SUPT3H: variants seen among roughly 807,000 people sequenced by gnomAD.
The protein encoded by SUPT3H is transcription initiation protein SPT3 homolog.
In SUPT3H, 44 loss-of-function variants were observed where a neutral mutation model predicts 44.3. The observed-to-expected ratio is 0.99, with a 90% CI of 0.78 to 1.28. The LOEUF (loss-of-function observed/expected upper bound fraction) is 1.28, where lower values mean the gene tolerates loss of function less well. SUPT3H is among the 50% of genes most tolerant of loss of function. The pLI, the probability that SUPT3H is intolerant of heterozygous loss-of-function variation, is 0.00. For synonymous variants in SUPT3H, 124 were observed against 125.6 expected, an observed-to-expected ratio of 0.99 and a Z score of 0.09; for missense variants, 380 against 387.1, an observed-to-expected ratio of 0.98 and a Z score of 0.15.
At chr6:45,346,498 C>G (rs1014178504) in intron 2 of SUPT3H, among the ~76,000 whole-genome samples, 1 of 151,980 alleles carries the variant, frequency 6.6e-6, no homozygotes, top group African/African-American at 2.4e-5. Context: ...TCCCTCTCTC[C>G]CACTCTTACT....
chr6:45,185,626 T>G (rs1814076824), intron 2 of SUPT3H, among the ~76,000 whole-genome samples: 1 of 152,224 alleles, frequency 6.6e-6, no homozygotes, highest in African/African-American at 2.4e-5. Flanking sequence ...CCAACACCAA[T>G]GAACTTGCAA....
At chr6:45,239,889 C>A (rs538561050) in intron 2 of SUPT3H, among the ~76,000 whole-genome samples, 1 of 152,176 alleles carries the variant, frequency 6.6e-6, no homozygotes, top group South Asian at 2.1e-4. Context: ...CTATGGAACA[C>A]CCCATATGCA....
chr6:45,042,307 C>G (rs1343400154), intron 3 of SUPT3H, among the ~76,000 whole-genome samples: 1 of 152,090 alleles, frequency 6.6e-6, no homozygotes, highest in African/African-American at 2.4e-5. Flanking sequence ...CCTGTAATCC[C>G]AGCTACTTGG....
chr6:44,872,831 A>C (rs1776647824), intron 10 of SUPT3H, among the ~76,000 whole-genome samples: 1 of 35,348 alleles, frequency 2.8e-5, no homozygotes, highest in Non-Finnish European at 6.7e-5. Flanking sequence ...AAAACAAAAA[A>C]AGGCAGGGGT....
chr6:45,114,254 A>G (rs1214313346), intron 2 of SUPT3H, among the ~76,000 whole-genome samples: 1 of 152,166 alleles, frequency 6.6e-6, no homozygotes, highest in African/African-American at 2.4e-5. Flanking sequence ...TCCTTGGAAC[A>G]TATCAGTGAA....
chr6:44,876,616 C>G (rs1272371243), intron 10 of SUPT3H, among the ~76,000 whole-genome samples: 2 of 147,220 alleles, frequency 1.4e-5, no homozygotes, highest in African/African-American at 2.5e-5. Flanking sequence ...AACTAACCTG[C>G]ACAATGTGCA....
intron 2 of SUPT3H, among the ~76,000 whole-genome samples, chr6:45,166,525 C>T (rs1264951371): frequency 7.1e-6 from 1 of 141,068 alleles, no homozygotes; most frequent in African/African-American, 2.7e-5. Flanking sequence ...GCAGAGCTTG[C>T]AGTGAGCAGA....
At chr6:44,943,505 C>T (rs1174181813) in intron 9 of SUPT3H, among the ~76,000 whole-genome samples, 2 of 152,080 alleles carry the variant, frequency 1.3e-5, no homozygotes, top group Non-Finnish European at 2.9e-5. Flanking sequence ...TAAAGACATA[C>T]ACTGTCTTTG....
chr6:45,131,314 C>G (rs938513980), intron 2 of SUPT3H, among the ~76,000 whole-genome samples: 2 of 152,152 alleles, frequency 1.3e-5, no homozygotes, highest in African/African-American at 4.8e-5. Context: ...TTCATTCATG[C>G]ATGATTCACA....
chr6:45,294,089 A>G (rs748177357), intron 2 of SUPT3H, among the ~76,000 whole-genome samples: 6 of 152,236 alleles, frequency 3.9e-5, no homozygotes, highest in Non-Finnish European at 5.9e-5. Flanking sequence ...AATCCTTAAC[A>G]AAATACTTGC....
intron 2 of SUPT3H, among the ~76,000 whole-genome samples, chr6:45,314,094 C>T (rs550070199): frequency 2.0e-5 from 3 of 152,066 alleles, no homozygotes; most frequent in Non-Finnish European, 4.4e-5. Flanking sequence ...ATCCAGCATC[C>T]CTTTATGATC....
downstream of SUPT3H, among the ~76,000 whole-genome samples, chr6:44,821,963 T>TA (rs1213353563): frequency 1.3e-5 from 2 of 152,102 alleles, no homozygotes; most frequent in Non-Finnish European, 2.9e-5. Context: ...TATTGTTTTT[T>TA]AAAAAAAGGT....
chr6:45,093,237 T>TA (rs1009051719), intron 3 of SUPT3H, among the ~76,000 whole-genome samples: 1 of 152,188 alleles, frequency 6.6e-6, no homozygotes, highest in East Asian at 1.9e-4. Context: ...TATATTTTTA[T>TA]AAAAAATAGG....
At chr6:44,871,104 TA>T (rs1006685409) in intron 10 of SUPT3H, among the ~76,000 whole-genome samples, 26 of 150,568 alleles carry the variant, frequency 1.7e-4, no homozygotes, top group Non-Finnish European at 3.0e-4. Context: ...CTTGCTTAGG[TA>T]AAAAAAGCAG....
intron 2 of SUPT3H, among the ~76,000 whole-genome samples, chr6:45,138,489 T>C (rs1804667785): frequency 1.3e-5 from 2 of 152,106 alleles, no homozygotes; most frequent in East Asian, 1.9e-4. Flanking sequence ...AAAAAAAATA[T>C]GGCACGTCCA....
chr6:45,224,444 A>G (rs1766571954), intron 2 of SUPT3H, among the ~76,000 whole-genome samples: 1 of 152,168 alleles, frequency 6.6e-6, no homozygotes, highest in Admixed American at 6.5e-5. Flanking sequence ...CACAGTGTAC[A>G]GCATTTTAGT....
At chr6:44,951,788 T>C (rs191088586) in intron 9 of SUPT3H, among the ~76,000 whole-genome samples, 16 of 152,314 alleles carry the variant, frequency 1.1e-4, no homozygotes, top group Non-Finnish European at 2.4e-4. Flanking sequence ...ATCACTTGAA[T>C]GTTAAAAGAA....
At chr6:44,974,071 C>G (rs1777973263) in intron 6 of SUPT3H, among the ~76,000 whole-genome samples, 2 of 152,058 alleles carry the variant, frequency 1.3e-5, no homozygotes, top group South Asian at 4.1e-4. Flanking sequence ...GGTAACTTGT[C>G]CAAGGTTGCT....
At chr6:44,965,970 C>T (rs1294762131) in intron 6 of SUPT3H, among the ~76,000 whole-genome samples, 3 of 152,086 alleles carry the variant, frequency 2.0e-5, no homozygotes, top group Non-Finnish European at 4.4e-5. Context: ...CGTTTAAGTA[C>T]GTGTTGACCG....
Sources: gnomAD v4.1 joint callset for allele counts (sites outside exome capture counted in the v4.1 genomes callset) on GRCh38, gnomAD v4.1.1 for gene constraint, MANE v1.5 for transcripts, NCBI Gene and HGNC (gene_info 2026-07-23, HGNC 2026-07-21) for gene names.